PAXBP1: variants seen among roughly 807,000 people sequenced by gnomAD.
PAXBP1 encodes the protein PAX3- and PAX7-binding protein 1.
In PAXBP1, 44 loss-of-function variants were observed where a neutral mutation model predicts 119.9. The observed-to-expected ratio is 0.37, with a 90% confidence interval of 0.29 to 0.47. PAXBP1 has a LOEUF of 0.47. PAXBP1 is among the 20% of genes least tolerant of loss of function. The probability of loss-of-function intolerance (pLI) is 0.99; values close to 1 mark genes in which losing one functional copy is unlikely to be tolerated. For synonymous variants in PAXBP1, 393 were observed against 406.6 expected, an observed-to-expected ratio of 0.97 and a Z score of 0.40; for missense variants, 898 against 1,134.1, an observed-to-expected ratio of 0.79 and a Z score of 2.99.
chr21:32,759,475 A>G (rs2044101634), intron 6 of PAXBP1: 1 of 639,370 alleles, frequency 1.6e-6, no homozygotes, highest in Non-Finnish European at 2.6e-6. Flanking sequence ...GCTAACCAAA[A>G]TCTCACTGTT....
intron 11 of PAXBP1, among the ~76,000 whole-genome samples, chr21:32,747,624 T>A (rs1033556794): frequency 2.6e-5 from 4 of 152,170 alleles, no homozygotes; most frequent in African/African-American, 9.7e-5. Flanking sequence ...CTTTTCCTTA[T>A]AGTTCACAAA....
chr21:32,767,294 G>A (rs1435138434), intron 2 of PAXBP1, among the ~76,000 whole-genome samples: 1 of 152,198 alleles, frequency 6.6e-6, no homozygotes, highest in Admixed American at 6.5e-5. Context: ...GCCAATTAAT[G>A]ACAGACCTTC....
rs1481556926 is a variant in PAXBP1, at chr21:32,761,050, T to C, written c.975+9A>G. On this transcript the variant is annotated intron_variant, in intron 5 of 17. Transcript: ENST00000331923. ...ACTTTTAATTTTTAGTTTAATTCTT[T>C]TGTCGTACCTGAGGGATATTAATTC... is the stretch of plus-strand genomic sequence containing the variant. The C allele has an allele frequency of 6.3e-7, 1 of 1,588,114 alleles. No individual in the cohort carries two copies. The highest frequency in any genetic ancestry group is 8.5e-7 in the Non-Finnish European group (1 of 1,170,878).
At chr21:32,766,107 C>G (rs1364667250) in intron 2 of PAXBP1, among the ~76,000 whole-genome samples, 1 of 152,198 alleles carries the variant, frequency 6.6e-6, no homozygotes, top group Non-Finnish European at 1.5e-5. Flanking sequence ...TGCACTCCAG[C>G]CTGAGCAACA....
In PAXBP1 at chr21:32,761,537, AATG is replaced by A. The variant is rs776980433; in HGVS notation, c.872-378_872-376del. ...ATGTTCAATGAACATGAGTTATCAC[AATG>A]ATATTAGTTTTTAAAAATTCCAATA... On this transcript the variant is annotated intron_variant, in intron 4 of 17. Coordinates refer to ENST00000331923, the MANE Select transcript of PAXBP1 (RefSeq NM_016631.4). Among the ~76,000 whole-genome samples the A allele has an allele frequency of 4.9e-4, 75 of 152,376 alleles. 2 individuals are homozygous for A. The highest frequency in any genetic ancestry group is 1.5e-3 in the African/African-American group (64 of 41,592).
chr21:32,771,334 T>A lies in PAXBP1; in HGVS notation c.335A>T (p.Glu112Val). 1 of 1,583,008 alleles carries A rather than the reference T, an allele frequency of 6.3e-7. No homozygotes were observed. Among genetic ancestry groups the A allele is most frequent in the East Asian group, 2.4e-5 (1 of 41,934 alleles). ...PRASLLSFQD[E>V]EEENEEVFKV... is the part of the protein sequence containing the mutation. ...CGAAGCGCGCACTTTACCTTCCTCCTCGTCCTGGAAGCTGAGCAGGCTGGC... is the reference window on the plus strand; with the variant it reads ...CGAAGCGCGCACTTTACCTTCCTCCACGTCCTGGAAGCTGAGCAGGCTGGC... The change falls in exon 1 of 18, where the codon GAG becomes GTG. Residue 112 changes from glutamate to valine, a missense_variant. This residue lies in a region of PAXBP1 where 299 missense variants were observed against 281.4 expected (regional missense o/e 1.06). Transcript: ENST00000331923.
chr21:32,754,194 G>C (rs983496547), intron 8 of PAXBP1, among the ~76,000 whole-genome samples: 1 of 152,174 alleles, frequency 6.6e-6, no homozygotes, highest in Non-Finnish European at 1.5e-5. Flanking sequence ...CTCTGACTTA[G>C]AGACCATGTA....
intron 17 of PAXBP1, among the ~76,000 whole-genome samples, chr21:32,735,356 GAAAGA>G: frequency 6.6e-6 from 1 of 152,170 alleles, no homozygotes; most frequent in East Asian, 1.9e-4. Flanking sequence ...TTAATATTGA[GAAAGA>G]AAAGAAAGCA....
intron 2 of PAXBP1, among the ~76,000 whole-genome samples, chr21:32,768,098 G>A (rs759479352): frequency 6.6e-6 from 1 of 152,140 alleles, no homozygotes; most frequent in Non-Finnish European, 1.5e-5. Flanking sequence ...CCATTGTAAC[G>A]TTATTAACAG....
At position 32,748,587 on chromosome 21, in the gene PAXBP1, G is replaced by C. The variant is rs756201793; in HGVS notation, c.1835C>G (p.Ser612Cys). 3 of 1,613,916 alleles carry C rather than the reference G, an allele frequency of 1.9e-6. No individual in the cohort carries two copies. Among genetic ancestry groups the C allele is most frequent in the African/African-American group, 2.7e-5 (2 of 74,902 alleles). Residue 612 changes from serine (S) to cysteine (C), a missense_variant, in exon 11 of 18, where the codon TCC becomes TGC. This residue lies in a region of PAXBP1 where 599 missense variants were observed against 852.7 expected (regional missense o/e 0.70). Coordinates refer to ENST00000331923, the MANE Select transcript of PAXBP1 (RefSeq NM_016631.4). ...AAGGCCAATGTAAGCATCTTTGTAG[G>C]ATGTGTAGTATTTTGAACGCCATGC... ...FEAWRSKYYT[S>C]YKDAYIGLCL...
chr21:32,762,006 C>T lies in PAXBP1; in HGVS notation c.871+90G>A, dbSNP rs544430232. 281 of 1,349,152 alleles carry T rather than the reference C, an allele frequency of 2.1e-4. 4 individuals carry two copies. The South Asian group carries it at 3.5e-3, about 17-fold the overall frequency. 83.6% of individuals were successfully genotyped at this position (1,349,152 alleles called of 1,614,324 possible). On this transcript the variant is annotated intron_variant, in intron 4 of 17. Transcript: ENST00000331923. ...AGTGAGCTATGATTGTACCACTGCA[C>T]TCTGGCCTAAGTGATGGAATGACAC...
intron 15 of PAXBP1, among the ~76,000 whole-genome samples, chr21:32,738,970 C>T (rs531625629): frequency 1.3e-5 from 2 of 152,264 alleles, no homozygotes; most frequent in African/African-American, 2.4e-5. Flanking sequence ...TGTGTCTCCA[C>T]GACCATCCAG....
chr21:32,747,252 G>T (rs111387153), intron 11 of PAXBP1, among the ~76,000 whole-genome samples: 9 of 152,198 alleles, frequency 5.9e-5, no homozygotes, highest in African/African-American at 2.2e-4. Context: ...AAATAAAAAA[G>T]AACTGGACAA....
At chr21:32,747,954 T>A (rs1363261286) in intron 11 of PAXBP1, among the ~76,000 whole-genome samples, 2 of 151,820 alleles carry the variant, frequency 1.3e-5, no homozygotes, top group African/African-American at 4.8e-5. Flanking sequence ...CTAATTTTTT[T>A]TTTTTTTTTT....
chr21:32,745,158 A>C (rs1170645196), intron 12 of PAXBP1, among the ~76,000 whole-genome samples: 1 of 152,214 alleles, frequency 6.6e-6, no homozygotes, highest in African/African-American at 2.4e-5. Flanking sequence ...ATTTCTGTAG[A>C]AATGTTGTCT....
At chr21:32,761,511 A>C (rs1267459337) in intron 4 of PAXBP1, among the ~76,000 whole-genome samples, 1 of 152,236 alleles carries the variant, frequency 6.6e-6, no homozygotes, top group Non-Finnish European at 1.5e-5. Flanking sequence ...CTGCACAATA[A>C]ATGTTCAATG....
At chr21:32,752,912 C>T (rs2043979672) in intron 8 of PAXBP1, among the ~76,000 whole-genome samples, 1 of 152,012 alleles carries the variant, frequency 6.6e-6, no homozygotes, top group Non-Finnish European at 1.5e-5. Context: ...CCGTGCCTGA[C>T]CAGACCCTAC....
At chr21:32,735,123 T>G in intron 17 of PAXBP1, 56 bp from the exon 18 acceptor site, 1 of 1,224,254 alleles carries the variant, frequency 8.2e-7, no homozygotes, top group Non-Finnish European at 1.2e-6. Context: ...AGAGAAAATT[T>G]GCTACTGATT....
intron 6 of PAXBP1, chr21:32,759,565 T>G: frequency 1.6e-6 from 1 of 610,332 alleles, no homozygotes. Flanking sequence ...AACAAGATCA[T>G]GGAGTGGCAT....
Sources: gnomAD v4.1 joint callset for allele counts (sites outside exome capture counted in the v4.1 genomes callset) on GRCh38, gnomAD v4.1.1 for gene constraint, gnomAD v4.1.1 regional missense constraint, MANE v1.5 for transcripts, NCBI Gene and HGNC (gene_info 2026-07-23, HGNC 2026-07-21) for gene names.